The following KCNQ1 variants were observed in gnomAD, a reference collection of about 807,000 sequenced individuals.
KCNQ1 encodes potassium voltage-gated channel subfamily KQT member 1.
In KCNQ1, 49 loss-of-function variants were observed where a neutral mutation model predicts 72.4. The ratio of observed to expected loss-of-function variants is 0.68; its 90% CI spans 0.54 to 0.86. The LOEUF is 0.86. Ranked by LOEUF, KCNQ1 falls within the 40% of genes least tolerant of loss-of-function variation. KCNQ1 has a pLI of 0.00. For synonymous variants in KCNQ1, 450 were observed against 412.6 expected (o/e 1.09, Z -1.10); for missense variants, 790 against 945.1 (o/e 0.84, Z 2.15).
intron 7 of KCNQ1, among the ~76,000 whole-genome samples, chr11:2,584,405 TTGTG>T (rs1160717676): frequency 4.7e-5 from 7 of 148,602 alleles, no homozygotes; most frequent in African/African-American, 1.8e-4. Flanking sequence ...GGGTTTGTGT[TTGTG>T]TTTCTGTGTT....
chr11:2,672,422 A>C (rs1850202786), intron 11 of KCNQ1: 2 of 398,520 alleles, frequency 5.0e-6, no homozygotes, highest in African/African-American at 2.1e-5. Context: ...AGTACAGAAC[A>C]GTCCACCCCA....
chr11:2,554,645 TTC>T (rs529519234), intron 2 of KCNQ1, among the ~76,000 whole-genome samples: 4 of 152,174 alleles, frequency 2.6e-5, no homozygotes, highest in Non-Finnish European at 4.4e-5. Context: ...AGATCAGACT[TTC>T]TCTGTTTCCT....
intron 3 of KCNQ1, among the ~76,000 whole-genome samples, 159 bp from the exon 4 acceptor site, chr11:2,571,166 C>A (rs541190886): frequency 6.6e-6 from 1 of 152,316 alleles, no homozygotes; most frequent in East Asian, 1.9e-4. Context: ...TTAGATGCTG[C>A]CTGCCTCCCT....
intron 11 of KCNQ1, chr11:2,688,955 G>T (rs1850543474): frequency 5.0e-6 from 2 of 398,800 alleles, no homozygotes; most frequent in Admixed American, 8.8e-5. Context: ...CTGGGCCTAG[G>T]GCTCTGAGAG....
chr11:2,692,951 C>G, intron 11 of KCNQ1: 1 of 398,690 alleles, frequency 2.5e-6, no homozygotes, highest in African/African-American at 2.1e-5. Context: ...TGCCCATACG[C>G]TCAATAATGA....
intron 11 of KCNQ1, chr11:2,686,153 T>A: frequency 2.5e-6 from 1 of 398,890 alleles, no homozygotes; most frequent in Non-Finnish European, 4.4e-6. Flanking sequence ...TGGGGTTTGC[T>A]TCGCCTTTCT....
chr11:2,801,948 G>A (rs1246981614), intron 15 of KCNQ1, among the ~76,000 whole-genome samples: 1 of 152,256 alleles, frequency 6.6e-6, no homozygotes, highest in African/African-American at 2.4e-5. Context: ...CCCCGGGCAG[G>A]CCCAAGCACA....
chr11:2,691,079 A>G lies in KCNQ1; in HGVS notation c.1514+28998A>G. On this transcript the variant is annotated intron_variant, in intron 11 of 15. Transcript: ENST00000155840. The surrounding 1 kb of genome is among the most constrained non-coding windows in gnomAD (Gnocchi z 6.4). ...GAAATAATGGAGGCACCTTTGTTCT[A>G]GATGCCTGCAGATTCCTGACAACAG... 2.5e-6 allele frequency: 1 copy of G among 398,654 alleles called. No individual in the cohort carries two copies. Among genetic ancestry groups the G allele is most frequent in the Non-Finnish European group, 4.4e-6 (1 of 226,088 alleles). The allele number at this position is 398,654 out of a possible 1,614,324, so 24.7% of individuals were successfully genotyped here. A position where few individuals can be genotyped will look rare whatever the true frequency, so the allele number is the denominator to read the frequency against.
rs1194838785 is a variant in KCNQ1, at chr11:2,475,808, T to TCCGCTA, written c.386+30326_386+30331dup. Among the ~76,000 whole-genome samples the TCCGCTA allele has an allele frequency of 6.6e-6, 1 of 152,164 alleles. No homozygotes were observed. Among genetic ancestry groups the TCCGCTA allele is most frequent in the African/African-American group, 2.4e-5 (1 of 41,444 alleles). On this transcript the variant is annotated intron_variant, in intron 1 of 15. Transcript: ENST00000155840. This position sits in a 1 kb window ranked among gnomAD's most constrained non-coding sequence, Gnocchi z 5.8. ...ATCTGATGGTTTTAAAAAGAGGCAT[T>TCCGCTA]CCGCTACACAAGCTCTCTCATGTTT...
chr11:2,797,757 C>A (rs1460464562), intron 15 of KCNQ1, among the ~76,000 whole-genome samples: 3 of 152,162 alleles, frequency 2.0e-5, no homozygotes, highest in Non-Finnish European at 4.4e-5. Flanking sequence ...CTGCTTGTGC[C>A]TGCACTCCCT....
rs752113264 is a variant in KCNQ1, at chr11:2,724,019, G to C, written c.1515-44825G>C. ...AACATGGCTCTCTGTGTCTGACACA[G>C]AGCCCTGTACTCCATCTATGCAGCC... On this transcript the variant is annotated intron_variant, in intron 11 of 15. Coordinates refer to ENST00000155840, the MANE Select transcript of KCNQ1 (RefSeq NM_000218.3). This position sits in a 1 kb window ranked among gnomAD's most constrained non-coding sequence, Gnocchi z 6.8. Among the ~76,000 whole-genome samples the C allele has an allele frequency of 7.2e-5, 11 of 152,136 alleles. No individual in the cohort carries two copies. The highest frequency in any genetic ancestry group is 1.6e-4 in the Non-Finnish European group (11 of 68,020).
chr11:2,534,787 G>A (rs557426396), intron 2 of KCNQ1, among the ~76,000 whole-genome samples: 13 of 152,350 alleles, frequency 8.5e-5, no homozygotes, highest in Admixed American at 2.6e-4. Flanking sequence ...TCTTCTCCCT[G>A]GCAGGGTTGT....
At chr11:2,556,346 G>A (rs985124138) in intron 2 of KCNQ1, among the ~76,000 whole-genome samples, 5 of 152,196 alleles carry the variant, frequency 3.3e-5, no homozygotes, top group African/African-American at 7.2e-5. Flanking sequence ...ATGAATTTGC[G>A]GGGCGGGGGA....
chr11:2,765,123 C>T (rs1846474359), intron 11 of KCNQ1, among the ~76,000 whole-genome samples: 2 of 152,240 alleles, frequency 1.3e-5, no homozygotes, highest in Non-Finnish European at 2.9e-5. Flanking sequence ...CATTTAAAGC[C>T]ACGAGGTTCA....
chr11:2,662,676 G>C (rs1300615362), intron 11 of KCNQ1: 1 of 405,022 alleles, frequency 2.5e-6, no homozygotes, highest in Non-Finnish European at 4.4e-6. Flanking sequence ...CTCCCCGCTG[G>C]GGTGCCCAGC....
In KCNQ1 at chr11:2,781,885, T is replaced by G. The variant is rs1458155753; in HGVS notation, c.1794+3848T>G. On this transcript the variant is annotated intron_variant, in intron 15 of 15. Coordinates refer to ENST00000155840, the MANE Select transcript of KCNQ1 (RefSeq NM_000218.3). The surrounding 1 kb of genome is among the most constrained non-coding windows in gnomAD (Gnocchi z 6.6). Reference sequence around the variant, plus strand: ...GGAAGGGGCCCCCACCACCTGACACTCCTTTCACTGCCTCCGGTCGCAGAA... The same window carrying G: ...GGAAGGGGCCCCCACCACCTGACACGCCTTTCACTGCCTCCGGTCGCAGAA... 1.3e-5 allele frequency among the ~76,000 whole-genome samples: 2 copies of G among 151,970 alleles called. No homozygotes were observed. The highest frequency in any genetic ancestry group is 2.9e-5 in the Non-Finnish European group (2 of 67,978).
rs547967503 is a variant in KCNQ1 at position 2,764,496 on chromosome 11, AT to A, written c.1515-4338del. Among the ~76,000 whole-genome samples the A allele has an allele frequency of 3.5e-4, 53 of 149,956 alleles. No individual in the cohort carries two copies. Among genetic ancestry groups the A allele is most frequent in the East Asian group, 1.2e-3 (6 of 5,110 alleles). ...TGTTCACGAGAGAGATTAACCTGTG[AT>A]TTTTTTTTTCTTTCTTGAAATATCC... On this transcript the variant is annotated intron_variant, in intron 11 of 15. Coordinates refer to ENST00000155840, the MANE Select transcript of KCNQ1 (RefSeq NM_000218.3). This position sits in a 1 kb window ranked among gnomAD's most constrained non-coding sequence, Gnocchi z 4.8.
At chr11:2,798,140 G>C (rs2411347) in intron 15 of KCNQ1, among the ~76,000 whole-genome samples, 1 of 73,460 alleles carries the variant, frequency 1.4e-5, no homozygotes, top group Non-Finnish European at 2.9e-5. Flanking sequence ...CCCACTTGTG[G>C]CCCAGGCCCA....
rs1211349992 is a variant in KCNQ1, at chr11:2,463,094, G to A, written c.386+17610G>A. Among the ~76,000 whole-genome samples, 1 of 152,128 alleles carries A rather than the reference G, an allele frequency of 6.6e-6. No individual in the cohort carries two copies. On this transcript the variant is annotated intron_variant, in intron 1 of 15. Transcript: ENST00000155840. This position sits in a 1 kb window ranked among gnomAD's most constrained non-coding sequence, Gnocchi z 7.0. ...GGATATACCTGCTGTCAGGGTGTGG[G>A]GAGTGGGAAGTGGGGGACGGGGTGG...
Sources: gnomAD v4.1 joint callset for allele counts (sites outside exome capture counted in the v4.1 genomes callset) on GRCh38, gnomAD v4.1.1 for gene constraint, Gnocchi (gnomAD v3.1) non-coding constraint, MANE v1.5 for transcripts, NCBI Gene and HGNC (gene_info 2026-07-23, HGNC 2026-07-21) for gene names.